Variants in TATDN3 observed in about 807,000 individuals in gnomAD.
TATDN3 encodes TatD DNase domain containing 3.
Under a neutral mutation model 40.1 loss-of-function variants are expected in TATDN3, and 29 were observed. The observed-to-expected ratio is 0.72, with a 90% CI of 0.54 to 0.99. The LOEUF (loss-of-function observed/expected upper bound fraction) is 0.99, where lower values mean the gene tolerates loss of function less well. Among genes scored for constraint, TATDN3 ranks in the 50% least tolerant of loss-of-function variants. The pLI, the probability that TATDN3 is intolerant of heterozygous loss-of-function variation, is 0.00. For missense variants in TATDN3, 309 were observed against 321.9 expected, an observed-to-expected ratio of 0.96 and a Z score of 0.31; for synonymous variants, 105 against 117.0, an observed-to-expected ratio of 0.90 and a Z score of 0.66.
At chr1:212,814,926 C>T (rs1663104290) in intron 9 of TATDN3, 87 bp from the exon 10 acceptor site, 3 of 1,418,356 alleles carry the variant, frequency 2.1e-6, no homozygotes, top group Non-Finnish European at 2.8e-6. Flanking sequence ...GTTGTTTTTA[C>T]CAACTCATTT....
chr1:212,812,763 G>A (rs1318812853), intron 9 of TATDN3, among the ~76,000 whole-genome samples: 2 of 152,198 alleles, frequency 1.3e-5, no homozygotes, highest in African/African-American at 4.8e-5. Context: ...AGCACTCTGG[G>A]AGGCCAAGGC....
chr1:212,816,486 TTTTTTAAAAA>T lies in TATDN3; in HGVS notation c.*1332_*1341del, dbSNP rs994138412. On this transcript the variant is annotated 3_prime_UTR_variant, in exon 10 of 10. Transcript: ENST00000366974. ...TTTATGTTATGTGTATTTACTACAA[TTTTTTAAAAA>T]TCGTATATGTAGTTTAACAGGTGTG... 6.6e-6 allele frequency: 1 copy of T among 152,224 alleles called. No homozygotes were observed. Among genetic ancestry groups the T allele is most frequent in the Non-Finnish European group, 1.5e-5 (1 of 68,034 alleles). 9.4% of individuals were successfully genotyped at this position (152,224 alleles called of 1,614,324 possible).
chr1:212,801,448 A>G (rs1173306447), intron 4 of TATDN3, among the ~76,000 whole-genome samples: 2 of 152,154 alleles, frequency 1.3e-5, no homozygotes, highest in Non-Finnish European at 2.9e-5. Context: ...AAGCTTCCAG[A>G]TCTATTTTAT....
At chr1:212,804,792 G>A (rs1352737223) in intron 7 of TATDN3, 141 bp downstream of exon 7, 2 of 682,172 alleles carry the variant, frequency 2.9e-6, no homozygotes, top group South Asian at 1.9e-5. Context: ...CTAAGATGAT[G>A]TTGCAGGTCA....
Position 212,815,528 on chromosome 1 carries a change from CT to C in TATDN3, c.*386del, listed in dbSNP as rs11322576. The C allele has an allele frequency of 0.04, 5,903 of 147,552 alleles. 94 individuals are homozygous for C. The highest frequency in any genetic ancestry group is 0.066 in the Admixed American group (965 of 14,702). The allele number at this position is 147,552 out of a possible 1,614,324, so 9.1% of individuals were successfully genotyped here. A position where few individuals can be genotyped will look rare whatever the true frequency, so the allele number is the denominator to read the frequency against. On this transcript the variant is annotated 3_prime_UTR_variant, in exon 10 of 10. Transcript: ENST00000366974. ...TGAGGATGGAGTAAGCTAAAGTATACTTTTTTTTTTTTTTGATGGAGTTTCG... is the reference window on the plus strand; with the variant it reads ...TGAGGATGGAGTAAGCTAAAGTATACTTTTTTTTTTTTTGATGGAGTTTCG...
chr1:212,797,051 G>C (rs1661814271), intron 3 of TATDN3, 61 bp from the exon 4 acceptor site: 1 of 1,306,790 alleles, frequency 7.7e-7, no homozygotes, highest in South Asian at 1.2e-5. Context: ...TTATTCTTTA[G>C]AATACGTTGT....
chr1:212,804,587 G>C lies in TATDN3; in HGVS notation c.432-9G>C. 6.2e-7 allele frequency: 1 copy of C among 1,612,026 alleles called. No individual in the cohort carries two copies. Among genetic ancestry groups the C allele is most frequent in the Non-Finnish European group, 8.5e-7 (1 of 1,179,106 alleles). On this transcript the variant is annotated splice_polypyrimidine_tract_variant and intron_variant, in intron 6 of 9. Coordinates refer to ENST00000366974, the MANE Select transcript of TATDN3 (RefSeq NM_001042552.3). ...GGTACTTAAAAGAAATGTTGTTATCGTTAAACAGAAATGTGCACTCACGCT... is the reference window on the plus strand; with the variant it reads ...GGTACTTAAAAGAAATGTTGTTATCCTTAAACAGAAATGTGCACTCACGCT...
intron 8 of TATDN3, among the ~76,000 whole-genome samples, chr1:212,809,643 C>CCACTG (rs1662743569): frequency 6.6e-6 from 1 of 151,630 alleles, no homozygotes; most frequent in African/African-American, 2.4e-5. Flanking sequence ...CGAGATCGCG[C>CCACTG]CACTGCACTC....
chr1:212,804,512 T>A (rs1327858129), intron 6 of TATDN3, 83 bp downstream of exon 6: 2 of 1,558,830 alleles, frequency 1.3e-6, no homozygotes, highest in Non-Finnish European at 1.8e-6. Context: ...AACTCTACAT[T>A]TATTTTTCTC....
At chr1:212,812,387 C>T in intron 9 of TATDN3, 59 bp downstream of exon 9, 1 of 947,646 alleles carries the variant, frequency 1.1e-6, no homozygotes, top group Non-Finnish European at 1.6e-6. Flanking sequence ...GAGTTCTTTT[C>T]AATTTAGCTG....
chr1:212,815,437 C>G lies in TATDN3; in HGVS notation c.*281C>G. ...ATTGCCCTTTTATATAGAACCACCA[C>G]CTGAACTGAAACCATTGCTACTGGG... On this transcript the variant is annotated 3_prime_UTR_variant, in exon 10 of 10. Transcript: ENST00000366974. The G allele has an allele frequency of 3.6e-6, 1 of 279,902 alleles. No individual in the cohort carries two copies. Among genetic ancestry groups the G allele is most frequent in the South Asian group, 5.7e-5 (1 of 17,694 alleles). The allele number at this position is 279,902 out of a possible 1,614,324, so 17.3% of individuals were successfully genotyped here.
intron 8 of TATDN3, among the ~76,000 whole-genome samples, chr1:212,812,021 G>A (rs969867165): frequency 3.3e-5 from 5 of 151,874 alleles, no homozygotes; most frequent in African/African-American, 9.7e-5. Context: ...TTTTAGCAGA[G>A]ACGGGGTTTC....
intron 8 of TATDN3, among the ~76,000 whole-genome samples, chr1:212,809,684 CAA>C (rs753985101): frequency 1.7e-4 from 14 of 82,284 alleles, no homozygotes; most frequent in Non-Finnish European, 1.5e-4. Context: ...GACTCCGTCT[CAA>C]AAAAAAAAAA....
intron 9 of TATDN3, among the ~76,000 whole-genome samples, chr1:212,813,890 T>TA (rs1409086164): frequency 1.3e-5 from 2 of 152,160 alleles, no homozygotes; most frequent in African/African-American, 4.8e-5. Context: ...TTTGTATTTT[T>TA]AGTGCACATA....
chr1:212,796,422 C>A (rs1661762087), intron 2 of TATDN3, 95 bp from the exon 3 acceptor site: 2 of 948,954 alleles, frequency 2.1e-6, no homozygotes, highest in Non-Finnish European at 3.0e-6. Context: ...CATGGCTGAA[C>A]AAGGATAACT....
At chr1:212,797,307 G>A in intron 4 of TATDN3, 111 bp downstream of exon 4, 2 of 792,070 alleles carry the variant, frequency 2.5e-6, no homozygotes, top group Non-Finnish European at 4.0e-6. Context: ...TCCAAAAGAA[G>A]GAAACATTAC....
chr1:212,809,058 T>C (rs983734148), intron 8 of TATDN3, among the ~76,000 whole-genome samples: 1 of 152,212 alleles, frequency 6.6e-6, no homozygotes, highest in African/African-American at 2.4e-5. Flanking sequence ...AATGAAGTAC[T>C]GAGTCATGCT....
intron 4 of TATDN3, among the ~76,000 whole-genome samples, chr1:212,800,620 A>G (rs1395836751): frequency 1.3e-5 from 2 of 152,122 alleles, no homozygotes; most frequent in Non-Finnish European, 2.9e-5. Flanking sequence ...ATTTAAAATC[A>G]TTCTGAATAA....
At chr1:212,798,023 C>T (rs914534372) in intron 4 of TATDN3, among the ~76,000 whole-genome samples, 1 of 151,902 alleles carries the variant, frequency 6.6e-6, no homozygotes, top group African/African-American at 2.4e-5. Flanking sequence ...AGATATAGTG[C>T]CATTTAAAAA....
Sources: gnomAD v4.1 joint callset for allele counts (sites outside exome capture counted in the v4.1 genomes callset) on GRCh38, gnomAD v4.1.1 for gene constraint, MANE v1.5 for transcripts, NCBI Gene and HGNC (gene_info 2026-07-23, HGNC 2026-07-21) for gene names.